The following RAB17 variants were observed in gnomAD, a reference collection of about 807,000 sequenced individuals.
The protein encoded by RAB17 is RAB17, member RAS oncogene family, also known as ras-related protein Rab-17.
In RAB17, 15 loss-of-function variants were observed where a neutral mutation model predicts 19.3. The ratio of observed to expected loss-of-function variants is 0.78; its 90% CI spans 0.52 to 1.20. The LOEUF (loss-of-function observed/expected upper bound fraction) is 1.20. RAB17 is among the 50% of genes most tolerant of loss of function. RAB17 has a pLI of 0.00. For missense variants in RAB17, 262 were observed against 269.3 expected (o/e 0.97, Z 0.19); for synonymous variants, 110 against 112.8 (o/e 0.97, Z 0.16).
chr2:237,574,521 T>A lies in RAB17; in HGVS notation c.*498A>T. On this transcript the variant is annotated 3_prime_UTR_variant, in exon 6 of 6. Coordinates refer to ENST00000264601, the MANE Select transcript of RAB17 (RefSeq NM_022449.4). ...TCCCAGGGGCAACTTCACCAAGATG[T>A]GGAAATCCTGGGCCCACCCCACAGT... is the stretch of plus-strand genomic sequence containing the variant. The A allele has an allele frequency of 6.5e-7, 1 of 1,550,060 alleles. No individual in the cohort carries two copies. Among genetic ancestry groups the A allele is most frequent in the South Asian group, 1.2e-5 (1 of 83,986 alleles).
At chr2:237,577,649 A>G (rs1574932951) in intron 3 of RAB17, 1 of 482,088 alleles carries the variant, frequency 2.1e-6, no homozygotes, top group South Asian at 2.9e-5. Flanking sequence ...GCCACGGGGT[A>G]TTTCAGGTCA....
Position 237,581,591 on chromosome 2 carries a change from C to CT in RAB17, c.158-3437dup, listed in dbSNP as rs534313158. ...TGTTAATATCATTTAAGTGGTTTTGCTTTTTTTACCTTTTAATTTAAATAA... is the reference window on the plus strand; with the variant it reads ...TGTTAATATCATTTAAGTGGTTTTGCTTTTTTTTACCTTTTAATTTAAATAA... On this transcript the variant is annotated intron_variant, in intron 2 of 5. Transcript: ENST00000264601. Among the ~76,000 whole-genome samples, 4 of 152,170 alleles carry CT rather than the reference C, an allele frequency of 2.6e-5. 1 individual carries two copies. Among genetic ancestry groups the CT allele is most frequent in the Admixed American group, 1.3e-4 (2 of 15,298 alleles).
rs2081247143 is a variant in RAB17 at position 237,574,724 on chromosome 2, A to G, written c.*295T>C. The G allele has an allele frequency of 1.4e-6, 2 of 1,402,680 alleles. No individual in the cohort carries two copies. Among genetic ancestry groups the G allele is most frequent in the Non-Finnish European group, 1.9e-6 (2 of 1,075,608 alleles). 86.9% of individuals were successfully genotyped at this position (1,402,680 alleles called of 1,614,324 possible). On this transcript the variant is annotated 3_prime_UTR_variant, in exon 6 of 6. Coordinates refer to ENST00000264601, the MANE Select transcript of RAB17 (RefSeq NM_022449.4). ...TCCAATCCTTCCTTCCTCTCTGTCC[A>G]GAGGCTGCCAGGCTGAGGGGGCCAC...
intron 3 of RAB17, 140 bp downstream of exon 3, chr2:237,577,864 G>T: frequency 1.0e-6 from 1 of 960,398 alleles, no homozygotes. Context: ...GTTGTCAGGA[G>T]GCCATCCTGG....
chr2:237,578,475 G>T (rs140118770), intron 2 of RAB17: 1 of 220,364 alleles, frequency 4.5e-6, no homozygotes, highest in Non-Finnish European at 9.1e-6. Context: ...CTGGGAGTCC[G>T]ATGCATCCCT....
chr2:237,579,728 A>AGACAGAGAACCGGAGGCTG (rs1553605612), intron 2 of RAB17, among the ~76,000 whole-genome samples: 4 of 149,818 alleles, frequency 2.7e-5, no homozygotes, highest in African/African-American at 9.9e-5. Context: ...TGCACCCACT[A>AGACAGAGAACCGGAGGCTG]GACAGAGAAC....
intron 2 of RAB17, chr2:237,585,609 G>A (rs921178748): frequency 2.9e-5 from 5 of 173,838 alleles, no homozygotes; most frequent in East Asian, 1.8e-4. Context: ...GCAGGAGGGC[G>A]GCCTGGGTGG....
chr2:237,580,049 C>T (rs1202173952), intron 2 of RAB17, among the ~76,000 whole-genome samples: 2 of 152,186 alleles, frequency 1.3e-5, no homozygotes, highest in African/African-American at 2.4e-5. Context: ...GACAATGGTG[C>T]CAGAATGAAG....
chr2:237,583,541 A>G (rs1216398691), intron 2 of RAB17, among the ~76,000 whole-genome samples: 1 of 152,198 alleles, frequency 6.6e-6, no homozygotes, highest in Admixed American at 6.5e-5. Flanking sequence ...CTGCCCACAC[A>G]CAGAGGTGCT....
chr2:237,577,477 G>A (rs537793020), intron 3 of RAB17, 95 bp from the exon 4 acceptor site: 16 of 1,406,490 alleles, frequency 1.1e-5, no homozygotes, highest in Admixed American at 1.1e-4. Context: ...ATCACGTTGT[G>A]TAAAATGTCA....
At chr2:237,589,450 T>C (rs1449133721) in intron 1 of RAB17, among the ~76,000 whole-genome samples, 1 of 152,234 alleles carries the variant, frequency 6.6e-6, no homozygotes, top group African/African-American at 2.4e-5. Flanking sequence ...TTCAAAATCA[T>C]GTTTAATGGA....
At chr2:237,589,668 C>T (rs1260598513) in intron 1 of RAB17, among the ~76,000 whole-genome samples, 6 of 152,268 alleles carry the variant, frequency 3.9e-5, no homozygotes, top group African/African-American at 1.4e-4. Flanking sequence ...CACCTGACCC[C>T]CACCTCCAGA....
chr2:237,582,461 A>T (rs1004995599), intron 2 of RAB17, among the ~76,000 whole-genome samples: 3 of 152,204 alleles, frequency 2.0e-5, no homozygotes, highest in Non-Finnish European at 4.4e-5. Context: ...TTTCACAGGG[A>T]AAAAATCCAG....
In RAB17 at chr2:237,576,998, A is replaced by G. The variant is rs563649460; in HGVS notation, c.435+259T>C. On this transcript the variant is annotated intron_variant, in intron 4 of 5. Coordinates refer to ENST00000264601, the MANE Select transcript of RAB17 (RefSeq NM_022449.4). ...AAGACCGGAAATCTTTGACTAAAAG[A>G]GAAACTCAGGTGGAAAGCTGTGTGT... Among the ~76,000 whole-genome samples the G allele has an allele frequency of 2.6e-5, 4 of 152,268 alleles. No individual in the cohort carries two copies. In the East Asian group the frequency reaches 5.8e-4, roughly 22 times the overall value.
chr2:237,588,912 CT>C lies in RAB17; in HGVS notation c.-4+1554del, dbSNP rs144744592. Reference sequence around the variant, plus strand: ...TCATTCCTTTGACAATGATATGTCTCTTTGTTTAATGAAGTTATTTTATTTT... The same window carrying C: ...TCATTCCTTTGACAATGATATGTCTCTTGTTTAATGAAGTTATTTTATTTT... On this transcript the variant is annotated intron_variant, in intron 1 of 5. Transcript: ENST00000264601. 6.0e-3 allele frequency among the ~76,000 whole-genome samples: 912 copies of C among 152,288 alleles called. 16 individuals are homozygous for C. Among genetic ancestry groups the C allele is most frequent in the African/African-American group, 0.02 (845 of 41,540 alleles).
chr2:237,586,336 A>G (rs767171697), intron 1 of RAB17, among the ~76,000 whole-genome samples, 179 bp from the exon 2 acceptor site: 7 of 152,022 alleles, frequency 4.6e-5, no homozygotes, highest in Non-Finnish European at 8.8e-5. Context: ...CCATCTCCCC[A>G]TCTGCAATTT....
At chr2:237,582,093 C>T (rs569541836) in intron 2 of RAB17, among the ~76,000 whole-genome samples, 2 of 150,428 alleles carry the variant, frequency 1.3e-5, no homozygotes, top group East Asian at 3.9e-4. Flanking sequence ...GACTCCCGTC[C>T]CTCGGACTCC....
chr2:237,590,392 C>T (rs2081385296), intron 1 of RAB17, 75 bp downstream of exon 1: 1 of 152,434 alleles, frequency 6.6e-6, no homozygotes, highest in South Asian at 2.1e-4. Flanking sequence ...GAGACTCACA[C>T]ACAGAGAAGC....
chr2:237,578,005 T>C lies in RAB17; in HGVS notation c.308A>G (p.Lys103Arg). 1 of 1,599,678 alleles carries C rather than the reference T, an allele frequency of 6.3e-7. No individual in the cohort carries two copies. The highest frequency in any genetic ancestry group is 1.3e-5 in the African/African-American group (1 of 74,816). ...GACGTGCCTCAAGGCGGGCCCTACC[T>C]TCCTGGTGATGTCGTACACCAGAAG... ...AALLVYDITR[K>R]DSFLKAQQWL... The change falls in exon 3 of 6, where the codon AAG (lysine) becomes AGG (arginine). Residue 103 changes from lysine (K) to arginine (R), a missense_variant and splice_region_variant. Coordinates refer to ENST00000264601, the MANE Select transcript of RAB17 (RefSeq NM_022449.4).
Sources: gnomAD v4.1 joint callset for allele counts (sites outside exome capture counted in the v4.1 genomes callset) on GRCh38, gnomAD v4.1.1 for gene constraint, MANE v1.5 for transcripts, NCBI Gene and HGNC (gene_info 2026-07-23, HGNC 2026-07-21) for gene names.